The following SLC9B2 variants were observed in gnomAD, a reference collection of about 807,000 sequenced individuals.
SLC9B2 encodes solute carrier family 9 member B2.
In SLC9B2, 39 loss-of-function variants were observed where a neutral mutation model predicts 52.2. The ratio of observed to expected loss-of-function variants is 0.75; its 90% CI spans 0.58 to 0.98. The LOEUF (loss-of-function observed/expected upper bound fraction) is 0.98, where lower values mean the gene tolerates loss of function less well. Among genes scored for constraint, SLC9B2 ranks in the 50% least tolerant of loss-of-function variants. The probability of loss-of-function intolerance (pLI) is 0.00; values close to 1 mark genes in which losing one functional copy is unlikely to be tolerated. For synonymous variants in SLC9B2, 214 were observed against 227.0 expected (o/e 0.94, Z 0.51); for missense variants, 626 against 637.5 (o/e 0.98, Z 0.19).
rs1436110752 is a variant in SLC9B2 at position 103,022,362 on chromosome 4, C to T, written c.*4008G>A. ...AAAAATTCTTCAATCTACATAGCATCATAAAAGCCAAATATGAAATACTTA... is the reference window on the plus strand; with the variant it reads ...AAAAATTCTTCAATCTACATAGCATTATAAAAGCCAAATATGAAATACTTA... On this transcript the variant is annotated 3_prime_UTR_variant, in exon 12 of 12. Coordinates refer to ENST00000394785, the MANE Select transcript of SLC9B2 (RefSeq NM_178833.7). Among the ~76,000 whole-genome samples, 2 of 152,202 alleles carry T rather than the reference C, an allele frequency of 1.3e-5. No individual in the cohort carries two copies. The highest frequency in any genetic ancestry group is 2.9e-5 in the Non-Finnish European group (2 of 68,030).
chr4:103,070,960 G>T (rs1303347121), intron 1 of SLC9B2, among the ~76,000 whole-genome samples: 1 of 151,744 alleles, frequency 6.6e-6, no homozygotes, highest in African/African-American at 2.4e-5. Flanking sequence ...AAAGAAAAAA[G>T]AAAAAAGTTT....
intron 6 of SLC9B2, 31 bp downstream of exon 6, chr4:103,048,862 T>C (rs1744404599): frequency 1.2e-6 from 2 of 1,610,322 alleles, no homozygotes; most frequent in African/African-American, 1.3e-5. Context: ...TGTCCCTACA[T>C]ATTTTCATAT....
At chr4:103,028,990 T>C (rs1742463633) in intron 10 of SLC9B2, 107 bp from the exon 11 acceptor site, 12 of 962,644 alleles carry the variant, frequency 1.2e-5, no homozygotes, top group Non-Finnish European at 1.7e-5. Flanking sequence ...TTTTAAAGCA[T>C]TAAAAATTAC....
downstream of SLC9B2, among the ~76,000 whole-genome samples, chr4:103,021,702 A>G (rs931614591): frequency 6.6e-6 from 1 of 152,246 alleles, no homozygotes; most frequent in African/African-American, 2.4e-5. Flanking sequence ...AAGTACTTCA[A>G]TAAAAATATT....
At chr4:103,066,270 T>C (rs1386488150) in intron 3 of SLC9B2, 57 bp downstream of exon 3, 21 of 1,553,790 alleles carry the variant, frequency 1.4e-5, no homozygotes, top group Non-Finnish European at 1.8e-5. Context: ...TATTATTTAG[T>C]AATCTGCCAT....
intron 3 of SLC9B2, among the ~76,000 whole-genome samples, chr4:103,061,257 G>T (rs946753905): frequency 4.7e-5 from 7 of 150,064 alleles, no homozygotes; most frequent in African/African-American, 1.8e-4. Context: ...TTGGAACCAA[G>T]CCAAATGTCC....
At chr4:103,041,357 G>T (rs1431395415) in intron 9 of SLC9B2, among the ~76,000 whole-genome samples, 1 of 152,174 alleles carries the variant, frequency 6.6e-6, no homozygotes, top group Non-Finnish European at 1.5e-5. Context: ...GGGTTACACT[G>T]ACCTTCTACA....
At chr4:103,049,542 C>A (rs1332000509) in intron 5 of SLC9B2, among the ~76,000 whole-genome samples, 1 of 152,146 alleles carries the variant, frequency 6.6e-6, no homozygotes, top group Non-Finnish European at 1.5e-5. Flanking sequence ...TAGGCAGTTT[C>A]CTGAGCTAGT....
chr4:103,039,156 C>T (rs1743417184), intron 9 of SLC9B2, among the ~76,000 whole-genome samples: 1 of 152,082 alleles, frequency 6.6e-6, no homozygotes, highest in Non-Finnish European at 1.5e-5. Context: ...GATTATACAG[C>T]TAGAAAGTAG....
intron 1 of SLC9B2, among the ~76,000 whole-genome samples, chr4:103,068,903 C>T (rs956888577): frequency 7.2e-5 from 11 of 152,132 alleles, no homozygotes; most frequent in Admixed American, 4.6e-4. Context: ...CTCTGTTCAA[C>T]GAAGTGCCAA....
chr4:103,019,982 C>A, downstream of SLC9B2: 1 of 955,348 alleles, frequency 1.0e-6, no homozygotes, highest in Non-Finnish European at 1.2e-6. Context: ...TGTCAAAACT[C>A]AGATTGTGTT....
chr4:103,058,606 T>C (rs183294645), intron 3 of SLC9B2, among the ~76,000 whole-genome samples: 33 of 152,264 alleles, frequency 2.2e-4, no homozygotes, highest in Non-Finnish European at 4.3e-4. Context: ...TTCATCTTGT[T>C]ACCCAGGCTG....
chr4:103,027,772 C>T (rs1050456927), intron 11 of SLC9B2, among the ~76,000 whole-genome samples: 1 of 152,046 alleles, frequency 6.6e-6, no homozygotes, highest in African/African-American at 2.4e-5. Flanking sequence ...AACTCTTAGC[C>T]ATTATGTTTT....
At chr4:103,066,043 A>G (rs1172515411) in intron 3 of SLC9B2, among the ~76,000 whole-genome samples, 1 of 152,200 alleles carries the variant, frequency 6.6e-6, no homozygotes, top group Non-Finnish European at 1.5e-5. Flanking sequence ...AATTACTCAG[A>G]TATAGTAAAG....
At chr4:103,041,315 T>A (rs965043970) in intron 9 of SLC9B2, among the ~76,000 whole-genome samples, 1 of 152,194 alleles carries the variant, frequency 6.6e-6, no homozygotes, top group Non-Finnish European at 1.5e-5. Flanking sequence ...TAAATATTTT[T>A]AAAAATGTTA....
At chr4:103,049,629 T>C (rs548273591) in intron 5 of SLC9B2, among the ~76,000 whole-genome samples, 61 of 152,324 alleles carry the variant, frequency 4.0e-4, no homozygotes, top group Non-Finnish European at 7.6e-4. Context: ...GCATTATTTA[T>C]AACCCTGGTC....
intron 1 of SLC9B2, among the ~76,000 whole-genome samples, 180 bp from the exon 2 acceptor site, chr4:103,067,772 A>T (rs1746278926): frequency 6.6e-6 from 1 of 152,116 alleles, no homozygotes; most frequent in Non-Finnish European, 1.5e-5. Flanking sequence ...TATTATCATC[A>T]TTCTTATCTA....
intron 5 of SLC9B2, among the ~76,000 whole-genome samples, 171 bp downstream of exon 5, chr4:103,050,069 A>G (rs1744531220): frequency 6.6e-6 from 1 of 152,158 alleles, no homozygotes; most frequent in African/African-American, 2.4e-5. Flanking sequence ...GCAAACCACA[A>G]CAAGGTCTCA....
At position 103,067,461 on chromosome 4, in the gene SLC9B2, C is replaced by A; in HGVS notation, c.90G>T (p.Gln30His). The change falls in exon 2 of 12, where the codon CAG (glutamine) becomes CAT (histidine). Residue 30 changes from glutamine (Q) to histidine (H), a missense_variant and splice_region_variant. Gln to His is a conservative substitution (Grantham distance 24). Transcript: ENST00000394785. ...NYTPSMHQEA[Q>H]EETVMKLKGI... is the part of the protein sequence containing the mutation. ...CAATTCTATCACAGCTTAGATTTAC[C>A]TGTGCTTCTTGATGCATGGAGGGCG... is the stretch of plus-strand genomic sequence containing the variant. 1.2e-6 allele frequency: 2 copies of A among 1,611,930 alleles called. No homozygotes were observed. Among genetic ancestry groups the A allele is most frequent in the Non-Finnish European group, 1.7e-6 (2 of 1,178,364 alleles).
Sources: gnomAD v4.1 joint callset for allele counts (sites outside exome capture counted in the v4.1 genomes callset) on GRCh38, gnomAD v4.1.1 for gene constraint, MANE v1.5 for transcripts, NCBI Gene and HGNC (gene_info 2026-07-23, HGNC 2026-07-21) for gene names.